Variants in SLC25A19 observed in about 807,000 individuals in gnomAD.
The protein encoded by SLC25A19 is solute carrier family 25 member 19, also known as mitochondrial thiamine pyrophosphate carrier.
SLC25A19 carries 18 observed loss-of-function variants against 27.9 expected under a neutral mutation model. The ratio of observed to expected loss-of-function variants is 0.64; its 90% CI spans 0.45 to 0.96. The LOEUF (loss-of-function observed/expected upper bound fraction) is 0.96. SLC25A19 is among the 40% of genes least tolerant of loss of function. The pLI is 0.00. For missense variants in SLC25A19, 371 were observed against 418.3 expected (o/e 0.89, Z 0.99); for synonymous variants, 169 against 167.1 (o/e 1.01, Z -0.09).
At chr17:75,275,250 C>A (rs865992773) in intron 7 of SLC25A19, among the ~76,000 whole-genome samples, 1 of 151,910 alleles carries the variant, frequency 6.6e-6, no homozygotes. Flanking sequence ...ATTTTGGCCT[C>A]CCAAAGTGCT....
chr17:75,286,255 C>T lies in SLC25A19; in HGVS notation c.288+49G>A, dbSNP rs2078177797. 45 of 1,606,094 alleles carry T rather than the reference C, an allele frequency of 2.8e-5. 1 individual carries two copies. The highest frequency in any genetic ancestry group is 3.8e-5 in the Non-Finnish European group (45 of 1,177,710). ...TTGCCTCACCCTCCCTCTGCTCCTC[C>T]ACTGAGCAACGTGACCCCAGAGGTC... is the stretch of plus-strand genomic sequence containing the variant. On this transcript the variant is annotated intron_variant, in intron 4 of 7. Coordinates refer to ENST00000416858, the MANE Select transcript of SLC25A19 (RefSeq NM_001126121.2).
chr17:75,276,846 T>G (rs1598179272), intron 7 of SLC25A19, among the ~76,000 whole-genome samples: 1 of 69,762 alleles, frequency 1.4e-5, no homozygotes, highest in African/African-American at 3.3e-5. Context: ...GGCTAATTTT[T>G]TTGTTTTTTT....
intron 4 of SLC25A19, 44 bp downstream of exon 4, chr17:75,286,260 A>C: frequency 6.2e-7 from 1 of 1,608,828 alleles, no homozygotes. Flanking sequence ...TCCTCCACTG[A>C]GCAACGTGAC....
chr17:75,278,312 G>A lies in SLC25A19; in HGVS notation c.483C>T (p.Ala161=), dbSNP rs142281464. The A allele has an allele frequency of 3.8e-4, 621 of 1,614,056 alleles. 2 individuals carry two copies. In the African/African-American group the frequency reaches 6.2e-3, roughly 16 times the overall value. ...EPKVYNTLRH[A]VGTMYRSEGP... is the part of the protein sequence containing the mutation. ...CTTCGCTCCTATACATGGTCCCCAC[G>A]GCGTGGCGCAGCGTATTATAGACCT... The change falls in exon 6 of 8, where the codon GCC becomes GCT. Residue 161 remains alanine, a synonymous_variant. Coordinates refer to ENST00000416858, the MANE Select transcript of SLC25A19 (RefSeq NM_001126121.2).
intron 2 of SLC25A19, among the ~76,000 whole-genome samples, chr17:75,287,947 C>T (rs1015650368): frequency 6.6e-6 from 1 of 152,078 alleles, no homozygotes; most frequent in Non-Finnish European, 1.5e-5. Context: ...AGTTCAAGAC[C>T]AGTCTGGCCA....
rs572133854 is a variant in SLC25A19 at position 75,277,938 on chromosome 17, T to C, written c.643+214A>G. Among the ~76,000 whole-genome samples, 8 of 152,212 alleles carry C rather than the reference T, an allele frequency of 5.3e-5. No homozygotes were observed. In the South Asian group the frequency reaches 1.7e-3, roughly 32 times the overall value. The stretch of plus-strand genomic sequence containing the variant: ...CCATGACCAATCACTGGAAGTAAAT[T>C]TCAGTAATGCCAGTGATGGGTGTGG... On this transcript the variant is annotated intron_variant, in intron 6 of 7. Coordinates refer to ENST00000416858, the MANE Select transcript of SLC25A19 (RefSeq NM_001126121.2).
At position 75,273,559 on chromosome 17, in the gene SLC25A19, C is replaced by T; in HGVS notation, c.855G>A (p.Leu285=). 6.2e-7 allele frequency: 1 copy of T among 1,614,106 alleles called. No homozygotes were observed. Among genetic ancestry groups the T allele is most frequent in the Non-Finnish European group, 8.5e-7 (1 of 1,180,014 alleles). The change falls in exon 8 of 8, where the codon CTG becomes CTA. Residue 285 remains leucine, a synonymous_variant. Transcript: ENST00000416858. ...KEGALGFFKG[L]SPSLLKAALS... The stretch of plus-strand genomic sequence containing the variant: ...GGGCAGCCTTCAGCAAGCTGGGGGA[C>T]AGGCCCTTGAAGAAGCCCAGGGCGC...
chr17:75,281,534 G>A (rs758197819), intron 5 of SLC25A19, among the ~76,000 whole-genome samples: 1 of 151,926 alleles, frequency 6.6e-6, no homozygotes, highest in African/African-American at 2.4e-5. Context: ...CTGTCTCTAC[G>A]AAAAATATAA....
Position 75,278,138 on chromosome 17 carries a change from G to A in SLC25A19, c.643+14C>T, listed in dbSNP as rs764616861. On this transcript the variant is annotated intron_variant, in intron 6 of 7. Transcript: ENST00000416858. ...GGGGTGGGAGGGCTCCCTCTCGTGTGAGGGCTGCCTCACCATTTTTCTTTC... is the reference window on the plus strand; with the variant it reads ...GGGGTGGGAGGGCTCCCTCTCGTGTAAGGGCTGCCTCACCATTTTTCTTTC... 4 of 1,612,690 alleles carry A rather than the reference G, an allele frequency of 2.5e-6. No homozygotes were observed. Among genetic ancestry groups the A allele is most frequent in the Non-Finnish European group, 3.4e-6 (4 of 1,179,906 alleles).
chr17:75,283,677 C>T, intron 4 of SLC25A19, 84 bp from the exon 5 acceptor site: 1 of 1,384,256 alleles, frequency 7.2e-7, no homozygotes, highest in Non-Finnish European at 1.0e-6. Context: ...CACCCGTGAC[C>T]CGGCTGGGGC....
Position 75,277,459 on chromosome 17 carries a change from C to T in SLC25A19, c.668G>A (p.Gly223Asp). The part of the protein sequence containing the change: ...KNENLQNLLC[G>D]SGAGVISKTL... ...CTTGCTGATGACACCAGCTCCACTGCCACAAAGCAGGTTTTGGAGGTTCTC... is the reference window on the plus strand; with the variant it reads ...CTTGCTGATGACACCAGCTCCACTGTCACAAAGCAGGTTTTGGAGGTTCTC... The change falls in exon 7 of 8, where the codon GGC becomes GAC. Residue 223 changes from glycine to aspartate, a missense_variant. Gly to Asp is a moderately conservative substitution (Grantham distance 94). Transcript: ENST00000416858. 1 of 1,613,988 alleles carries T rather than the reference C, an allele frequency of 6.2e-7. No homozygotes were observed. The highest frequency in any genetic ancestry group is 8.5e-7 in the Non-Finnish European group (1 of 1,179,964).
rs1303810915 is a variant in SLC25A19 at position 75,288,601 on chromosome 17, G to C, written c.-128-10C>G. Reference sequence around the variant, plus strand: ...ATCACAGGGAGAAGGGCTGAGAAGGGAAAAAGGAAGGTAGACCTGTCGATA... The same window carrying C: ...ATCACAGGGAGAAGGGCTGAGAAGGCAAAAAGGAAGGTAGACCTGTCGATA... On this transcript the variant is annotated splice_polypyrimidine_tract_variant and intron_variant, in intron 1 of 7. Coordinates refer to ENST00000416858, the MANE Select transcript of SLC25A19 (RefSeq NM_001126121.2). 1 of 146,396 alleles carries C rather than the reference G, an allele frequency of 6.8e-6. No individual in the cohort carries two copies. The highest frequency in any genetic ancestry group is 2.6e-5 in the African/African-American group (1 of 39,188). The allele number at this position is 146,396 out of a possible 1,614,324, so 9.1% of individuals were successfully genotyped here.
At chr17:75,274,837 G>T (rs1219482371) in intron 7 of SLC25A19, among the ~76,000 whole-genome samples, 1 of 152,070 alleles carries the variant, frequency 6.6e-6, no homozygotes, top group African/African-American at 2.4e-5. Context: ...AAGTGGAAAA[G>T]GGAGGTTACA....
chr17:75,283,117 G>A (rs1184773983), intron 5 of SLC25A19, among the ~76,000 whole-genome samples: 2 of 151,092 alleles, frequency 1.3e-5, no homozygotes, highest in Non-Finnish European at 3.0e-5. Context: ...GGCTAACATG[G>A]TGAAACCCCG....
At chr17:75,284,318 G>A (rs574434884) in intron 4 of SLC25A19, among the ~76,000 whole-genome samples, 8 of 152,272 alleles carry the variant, frequency 5.3e-5, no homozygotes, top group Admixed American at 2.6e-4. Context: ...CAGAAGAATC[G>A]CCTGAACCCA....
At chr17:75,277,210 TAGGGATCTCA>T (rs2145740559) in intron 7 of SLC25A19, 133 bp downstream of exon 7, 1 of 1,065,416 alleles carries the variant, frequency 9.4e-7, no homozygotes, top group East Asian at 2.6e-5. Context: ...CCCACATGCT[TAGGGATCTCA>T]AGGAATGGAC....
intron 5 of SLC25A19, among the ~76,000 whole-genome samples, chr17:75,279,297 A>T (rs953909263): frequency 6.6e-5 from 10 of 152,068 alleles, no homozygotes; most frequent in Non-Finnish European, 1.2e-4. Context: ...TGTCTTTGTA[A>T]CCTTGATACA....
At chr17:75,278,811 C>T (rs1275475567) in intron 5 of SLC25A19, among the ~76,000 whole-genome samples, 1 of 151,794 alleles carries the variant, frequency 6.6e-6, no homozygotes, top group Non-Finnish European at 1.5e-5. Context: ...GGCGAAAGCC[C>T]ATCTCTACTA....
chr17:75,274,740 G>A (rs1288442356), intron 7 of SLC25A19, among the ~76,000 whole-genome samples: 4 of 151,958 alleles, frequency 2.6e-5, no homozygotes, highest in African/African-American at 7.3e-5. Flanking sequence ...CCAGGAGTTC[G>A]AGACCAGCCC....
Sources: allele counts gnomAD v4.1 joint callset (sites outside exome capture counted in the v4.1 genomes callset), GRCh38; gene constraint gnomAD v4.1.1; transcripts MANE v1.5; gene names NCBI Gene and HGNC (gene_info 2026-07-23, HGNC 2026-07-21).